The following ACSM5 variants were observed in gnomAD, a reference collection of about 807,000 sequenced individuals.
The protein encoded by ACSM5 is acyl-coenzyme A synthetase ACSM5, mitochondrial.
A neutral mutation model predicts 71.6 loss-of-function variants in ACSM5; 56 were observed. The observed-to-expected ratio is 0.78, with a 90% CI of 0.63 to 0.98. The LOEUF (loss-of-function observed/expected upper bound fraction) is 0.98. ACSM5 is among the 50% of genes least tolerant of loss of function. The probability of loss-of-function intolerance (pLI) is 0.00; values close to 1 mark genes in which losing one functional copy is unlikely to be tolerated. For missense variants in ACSM5, 723 were observed against 726.0 expected, an observed-to-expected ratio of 1.00 and a Z score of 0.05; for synonymous variants, 285 against 281.5, an observed-to-expected ratio of 1.01 and a Z score of -0.12.
chr16:20,436,337 G>A (rs1291893137), intron 10 of ACSM5, among the ~76,000 whole-genome samples: 3 of 146,612 alleles, frequency 2.0e-5, no homozygotes, highest in Admixed American at 7.0e-5. Flanking sequence ...GCAGTGCAGT[G>A]GCACAATCTT....
intron 12 of ACSM5, among the ~76,000 whole-genome samples, chr16:20,437,777 T>C (rs573570954): frequency 5.3e-5 from 8 of 151,124 alleles, no homozygotes; most frequent in Non-Finnish European, 8.8e-5. Flanking sequence ...GACCTACATA[T>C]ACCAGAAAGA....
At chr16:20,432,082 T>C (rs1967111427) in intron 10 of ACSM5, among the ~76,000 whole-genome samples, 2 of 152,340 alleles carry the variant, frequency 1.3e-5, no homozygotes, top group Admixed American at 1.3e-4. Flanking sequence ...TCCAAGTTTC[T>C]GGGATAATTC....
At chr16:20,426,021 G>T in intron 6 of ACSM5, among the ~76,000 whole-genome samples, 1 of 152,158 alleles carries the variant, frequency 6.6e-6, no homozygotes, top group Non-Finnish European at 1.5e-5. Context: ...TTTCCACAGT[G>T]GTTGTACTAG....
At position 20,427,813 on chromosome 16, in the gene ACSM5, C is replaced by T. The variant is rs1967018223; in HGVS notation, c.947C>T (p.Thr316Ile). The change falls in exon 7 of 14, where the codon ACC (threonine) becomes ATC (isoleucine). Residue 316 changes from threonine (T) to isoleucine (I), a missense_variant. Physicochemically the swap from Thr to Ile is moderately conservative, Grantham distance 89. Coordinates refer to ENST00000331849, the MANE Select transcript of ACSM5 (RefSeq NM_017888.3). Reference protein sequence around the residue: ...LNTLSKFPITTLCCVPTIFRL... With the variant: ...LNTLSKFPITILCCVPTIFRL... ...ACTCTCTCCAAATTCCCGATAACCA[C>T]CCTCTGCTGTGTCCCAACCATCTTT... is the stretch of plus-strand genomic sequence containing the variant. 1 of 1,613,936 alleles carries T rather than the reference C, an allele frequency of 6.2e-7. No homozygotes were observed. The highest frequency in any genetic ancestry group is 1.3e-5 in the African/African-American group (1 of 75,040).
At chr16:20,438,814 G>A (rs1269045746) in intron 12 of ACSM5, among the ~76,000 whole-genome samples, 1 of 151,164 alleles carries the variant, frequency 6.6e-6, no homozygotes, top group Non-Finnish European at 1.5e-5. Flanking sequence ...AATTAGCCAG[G>A]CGTGGCGGTG....
intron 13 of ACSM5, 64 bp downstream of exon 13, chr16:20,439,983 T>A: frequency 6.3e-7 from 1 of 1,595,886 alleles, no homozygotes; most frequent in South Asian, 1.1e-5. Context: ...CTGCCTGGGC[T>A]CCCACTCAGA....
intron 6 of ACSM5, among the ~76,000 whole-genome samples, chr16:20,425,469 G>A (rs1365980547): frequency 1.3e-5 from 2 of 152,116 alleles, no homozygotes; most frequent in African/African-American, 2.4e-5. Context: ...GGAACAGGTG[G>A]TGTTTGATTA....
intron 10 of ACSM5, among the ~76,000 whole-genome samples, chr16:20,434,177 A>G (rs1323227233): frequency 8.5e-5 from 13 of 152,164 alleles, no homozygotes; most frequent in Admixed American, 7.9e-4. Context: ...TGTGTCTTAT[A>G]AAATCATTTT....
intron 12 of ACSM5, 26 bp downstream of exon 12, chr16:20,437,393 C>A (rs1271608753): frequency 1.3e-6 from 2 of 1,505,566 alleles, no homozygotes; most frequent in South Asian, 1.1e-5. Context: ...AAGAACATGG[C>A]CTCCTGCTTC....
At position 20,411,552 on chromosome 16, in the gene ACSM5, A is replaced by G. The variant is rs144606521; in HGVS notation, c.68A>G (p.His23Arg). 7,323 of 1,612,364 alleles carry G rather than the reference A, an allele frequency of 4.5e-3. 23 individuals are homozygous for G. The highest frequency in any genetic ancestry group is 5.8e-3 in the Non-Finnish European group (6,890 of 1,178,300). The change falls in exon 2 of 14, where the codon CAT becomes CGT. Residue 23 changes from histidine to arginine, a missense_variant. Coordinates refer to ENST00000331849, the MANE Select transcript of ACSM5 (RefSeq NM_017888.3). ...LRNSRAFCGS[H>R]GKPAPLPVPQ... ...AACTCCAGGGCATTCTGTGGGTCTC[A>G]TGGGAAGCCAGCACCTCTACCTGTT...
Position 20,427,815 on chromosome 16 carries a change from C to A in ACSM5, c.949C>A (p.Leu317Ile). Reference sequence around the variant, plus strand: ...TCTCTCCAAATTCCCGATAACCACCCTCTGCTGTGTCCCAACCATCTTTCG... The same window carrying A: ...TCTCTCCAAATTCCCGATAACCACCATCTGCTGTGTCCCAACCATCTTTCG... ...NTLSKFPITT[L>I]CCVPTIFRLL... The change falls in exon 7 of 14, where the codon CTC becomes ATC. Residue 317 changes from leucine to isoleucine, a missense_variant. Coordinates refer to ENST00000331849, the MANE Select transcript of ACSM5 (RefSeq NM_017888.3). 3 of 1,614,002 alleles carry A rather than the reference C, an allele frequency of 1.9e-6. No homozygotes were observed. Among genetic ancestry groups the A allele is most frequent in the Non-Finnish European group, 2.5e-6 (3 of 1,179,880 alleles).
chr16:20,437,836 T>A (rs1460440616), intron 12 of ACSM5, among the ~76,000 whole-genome samples: 2 of 151,406 alleles, frequency 1.3e-5, no homozygotes, highest in Non-Finnish European at 2.9e-5. Context: ...TCCTTTTTTT[T>A]TTTTGAGATG....
chr16:20,414,130 T>C (rs1220001848), intron 2 of ACSM5, among the ~76,000 whole-genome samples: 1 of 152,202 alleles, frequency 6.6e-6, no homozygotes, highest in African/African-American at 2.4e-5. Flanking sequence ...ATTTACAAGA[T>C]ACGCAAAGAA....
intron 10 of ACSM5, among the ~76,000 whole-genome samples, chr16:20,436,102 TTC>T (rs1271523083): frequency 1.1e-4 from 15 of 138,108 alleles, no homozygotes; most frequent in Non-Finnish European, 2.2e-4. Context: ...TTCTCTTTCT[TTC>T]TTTCTTTTTC....
chr16:20,420,608 AAAC>A (rs1286807246), intron 4 of ACSM5, among the ~76,000 whole-genome samples: 2 of 151,640 alleles, frequency 1.3e-5, no homozygotes, highest in Non-Finnish European at 2.9e-5. Context: ...CTCAAAAACA[AAAC>A]AAAAAAAAAT....
At chr16:20,433,877 A>G (rs368145449) in intron 10 of ACSM5, among the ~76,000 whole-genome samples, 130 of 139,552 alleles carry the variant, frequency 9.3e-4, no homozygotes, top group African/African-American at 3.1e-3. Context: ...GGGTTTCACC[A>G]TGTTGCCTAG....
At chr16:20,421,232 C>T in intron 4 of ACSM5, 26 bp from the exon 5 acceptor site, 4 of 1,537,468 alleles carry the variant, frequency 2.6e-6, no homozygotes, top group Non-Finnish European at 3.5e-6. Flanking sequence ...CGTGGTAGTG[C>T]CACCTAGTGT....
At chr16:20,412,493 C>T (rs1966849626) in intron 2 of ACSM5, among the ~76,000 whole-genome samples, 1 of 152,182 alleles carries the variant, frequency 6.6e-6, no homozygotes, top group Non-Finnish European at 1.5e-5. Context: ...TGTGCATCTG[C>T]TTTCTTCTTT....
At chr16:20,428,080 C>T (rs889536260) in intron 7 of ACSM5, among the ~76,000 whole-genome samples, 3 of 152,150 alleles carry the variant, frequency 2.0e-5, no homozygotes, top group Admixed American at 2.0e-4. Flanking sequence ...CTCACAGATG[C>T]CCCTCAAGAA....
Sources: gnomAD v4.1 joint callset for allele counts (sites outside exome capture counted in the v4.1 genomes callset) on GRCh38, gnomAD v4.1.1 for gene constraint, MANE v1.5 for transcripts, NCBI Gene and HGNC (gene_info 2026-07-23, HGNC 2026-07-21) for gene names.